Variants in RASEF observed in about 807,000 individuals in gnomAD.
RASEF encodes ras and EF-hand domain-containing protein.
RASEF carries 68 observed loss-of-function variants against 90.1 expected under a neutral mutation model. The observed-to-expected ratio is 0.75, with a 90% CI of 0.62 to 0.92. The LOEUF (loss-of-function observed/expected upper bound fraction) is 0.92, where lower values mean the gene tolerates loss of function less well. RASEF is among the 40% of genes least tolerant of loss of function. The pLI is 0.00. For synonymous variants in RASEF, 331 were observed against 345.2 expected (o/e 0.96, Z 0.46); for missense variants, 949 against 937.2 (o/e 1.01, Z -0.16).
intron 1 of RASEF, among the ~76,000 whole-genome samples, chr9:83,059,269 TACACACAC>T (rs59546421): frequency 4.6e-5 from 6 of 129,084 alleles, no homozygotes; most frequent in South Asian, 2.7e-4. Flanking sequence ...AAATGCTCAA[TACACACAC>T]ACACACACAC....
rs564524552 is a variant in RASEF at position 83,055,633 on chromosome 9, A to G, written c.431+6804T>C. On this transcript the variant is annotated intron_variant, in intron 1 of 16. Coordinates refer to ENST00000376447, the MANE Select transcript of RASEF (RefSeq NM_152573.4). Reference sequence around the variant, plus strand: ...AGCCCATGACAATGCACACAGTGTTATGAGATGCCTCACGAACACAAATGC... The same window carrying G: ...AGCCCATGACAATGCACACAGTGTTGTGAGATGCCTCACGAACACAAATGC... 2.7e-4 allele frequency: 194 copies of G among 718,156 alleles called. 2 individuals are homozygous for G. The highest frequency in any genetic ancestry group is 2.7e-3 in the South Asian group (181 of 67,602). 44.5% of individuals were successfully genotyped at this position (718,156 alleles called of 1,614,324 possible).
chr9:83,204,038 G>A, the RASEF span, among the ~76,000 whole-genome samples: 6 of 152,190 alleles, frequency 3.9e-5, no homozygotes, highest in African/African-American at 1.4e-4. Context: ...ATTGCTTAAG[G>A]GGGACAAGGC....
At chr9:83,102,178 G>A in the RASEF span, among the ~76,000 whole-genome samples, 8 of 152,208 alleles carry the variant, frequency 5.3e-5, no homozygotes, top group African/African-American at 1.7e-4. Flanking sequence ...GTGGGTTCAA[G>A]AGATTCTCCT....
the RASEF span, among the ~76,000 whole-genome samples, chr9:83,138,739 G>T: frequency 6.6e-6 from 1 of 151,982 alleles, no homozygotes; most frequent in Non-Finnish European, 1.5e-5. Context: ...TCTAACCAAG[G>T]CCTCAAAGGA....
At chr9:83,042,617 A>G (rs1701959731) in intron 1 of RASEF, among the ~76,000 whole-genome samples, 1 of 152,244 alleles carries the variant, frequency 6.6e-6, no homozygotes, top group Non-Finnish European at 1.5e-5. Flanking sequence ...ATGTATGAAT[A>G]AAAATGGAAC....
the RASEF span, among the ~76,000 whole-genome samples, chr9:83,195,359 T>C: frequency 6.6e-6 from 1 of 152,196 alleles, no homozygotes; most frequent in Non-Finnish European, 1.5e-5. Flanking sequence ...AATGATTAGT[T>C]GTCTGACAGT....
rs538955522 is a variant in RASEF at position 83,023,634 on chromosome 9, C to A, written c.579-1208G>T. 2.6e-5 allele frequency among the ~76,000 whole-genome samples: 4 copies of A among 152,224 alleles called. No homozygotes were observed. The East Asian group carries it at 5.8e-4, about 22-fold the overall frequency. ...CTTCTTCCTCATCTTATAGCCTGTC[C>A]GAGGTTATGTTAACCAAGCTTGGGA... is the stretch of plus-strand genomic sequence containing the variant. On this transcript the variant is annotated intron_variant, in intron 2 of 16. Transcript: ENST00000376447.
At chr9:83,195,544 C>G in the RASEF span, among the ~76,000 whole-genome samples, 12 of 152,186 alleles carry the variant, frequency 7.9e-5, no homozygotes, top group African/African-American at 2.9e-4. Flanking sequence ...ATGCCAGGCA[C>G]TATTCCAGGC....
At chr9:83,181,214 T>G in the RASEF span, among the ~76,000 whole-genome samples, 7 of 149,888 alleles carry the variant, frequency 4.7e-5, no homozygotes, top group Non-Finnish European at 7.4e-5. Context: ...CTGGGAAAAC[T>G]AGGGATGTTT....
At chr9:83,132,192 G>A in the RASEF span, among the ~76,000 whole-genome samples, 1 of 152,142 alleles carries the variant, frequency 6.6e-6, no homozygotes, top group South Asian at 2.1e-4. Flanking sequence ...TGTCATAAGA[G>A]TCATGGCATC....
the RASEF span, among the ~76,000 whole-genome samples, chr9:83,100,456 T>C: frequency 6.6e-6 from 1 of 152,188 alleles, no homozygotes; most frequent in Non-Finnish European, 1.5e-5. Flanking sequence ...AGTTACATGG[T>C]GATCATCTGT....
the RASEF span, among the ~76,000 whole-genome samples, chr9:83,103,445 G>T: frequency 6.6e-6 from 1 of 152,058 alleles, no homozygotes; most frequent in African/African-American, 2.4e-5. Flanking sequence ...TAATATATTT[G>T]GGATTTGCTT....
intron 16 of RASEF, among the ~76,000 whole-genome samples, chr9:82,988,022 C>T (rs376803463): frequency 6.6e-6 from 1 of 152,200 alleles, no homozygotes; most frequent in African/African-American, 2.4e-5. Flanking sequence ...CTAAGGCATA[C>T]CAGGGATGCT....
the RASEF span, among the ~76,000 whole-genome samples, chr9:83,076,723 C>G: frequency 1.3e-5 from 2 of 152,106 alleles, no homozygotes; most frequent in African/African-American, 4.8e-5. Flanking sequence ...AATGGATTCC[C>G]CAATTTTATG....
chr9:83,217,778 T>C, the RASEF span, among the ~76,000 whole-genome samples: 1 of 152,186 alleles, frequency 6.6e-6, no homozygotes, highest in Non-Finnish European at 1.5e-5. Context: ...GGTTTCCTCA[T>C]TCATAAAAAT....
chr9:83,143,695 G>C, the RASEF span, among the ~76,000 whole-genome samples: 1 of 152,146 alleles, frequency 6.6e-6, no homozygotes, highest in Non-Finnish European at 1.5e-5. Flanking sequence ...GGAACCCTTA[G>C]ACACTGTTGA....
intron 14 of RASEF, among the ~76,000 whole-genome samples, chr9:82,994,918 T>C (rs1379441106): frequency 6.6e-6 from 1 of 152,202 alleles, no homozygotes; most frequent in African/African-American, 2.4e-5. Flanking sequence ...GATCACACCA[T>C]TCATTTCCGC....
the RASEF span, among the ~76,000 whole-genome samples, chr9:83,153,695 G>A: frequency 5.9e-5 from 9 of 152,286 alleles, no homozygotes; most frequent in East Asian, 5.8e-4. Flanking sequence ...GCTGTTTAAC[G>A]CCTCTCTTCT....
chr9:83,155,590 C>T, the RASEF span, among the ~76,000 whole-genome samples: 2 of 152,030 alleles, frequency 1.3e-5, no homozygotes, highest in Non-Finnish European at 2.9e-5. Flanking sequence ...ATGAGAGCTA[C>T]AGTTCAAGAT....
Sources: gnomAD v4.1 joint callset for allele counts (sites outside exome capture counted in the v4.1 genomes callset) on GRCh38, gnomAD v4.1.1 for gene constraint, MANE v1.5 for transcripts, NCBI Gene and HGNC (gene_info 2026-07-23, HGNC 2026-07-21) for gene names.